Variants in CKMT2 observed in about 807,000 individuals in gnomAD.
CKMT2 encodes creatine kinase, mitochondrial 2.
Under a neutral mutation model 48.9 loss-of-function variants are expected in CKMT2, and 43 were observed. The ratio of observed to expected loss-of-function variants is 0.88; its 90% CI spans 0.69 to 1.13. CKMT2 has a LOEUF of 1.13. Ranked by LOEUF, CKMT2 falls within the 50% of genes most tolerant of loss-of-function variation. CKMT2 has a pLI of 0.00. For missense variants in CKMT2, 472 were observed against 555.4 expected, an observed-to-expected ratio of 0.85 and a Z score of 1.51; for synonymous variants, 206 against 213.0, an observed-to-expected ratio of 0.97 and a Z score of 0.29.
At chr5:81,263,231 G>A (rs1394589539) in intron 8 of CKMT2, among the ~76,000 whole-genome samples, 1 of 151,804 alleles carries the variant, frequency 6.6e-6, no homozygotes, top group Non-Finnish European at 1.5e-5. Flanking sequence ...GTTGATGATG[G>A]ATTGATGGGT....
chr5:81,250,339 T>C (rs1230528912), intron 1 of CKMT2, among the ~76,000 whole-genome samples: 1 of 152,216 alleles, frequency 6.6e-6, no homozygotes, highest in Admixed American at 6.5e-5. Flanking sequence ...ACATTCAATA[T>C]AGGGCTTATT....
chr5:81,251,384 G>A lies in CKMT2; in HGVS notation c.152+100G>A, dbSNP rs999044596. ...GGCCAGATCACGAGGTCAAGAGATC[G>A]AGACCATCCTGGCCAACATGGTGAA... On this transcript the variant is annotated intron_variant, in intron 2 of 9. Coordinates refer to ENST00000254035, the MANE Select transcript of CKMT2 (RefSeq NM_001099735.2). 15 of 1,271,780 alleles carry A rather than the reference G, an allele frequency of 1.2e-5. No individual in the cohort carries two copies. The East Asian group carries it at 1.4e-4, about 12-fold the overall frequency. 78.8% of individuals were successfully genotyped at this position (1,271,780 alleles called of 1,614,324 possible).
chr5:81,245,858 C>T (rs1324167350), intron 1 of CKMT2, among the ~76,000 whole-genome samples: 2 of 152,172 alleles, frequency 1.3e-5, no homozygotes, highest in African/African-American at 2.4e-5. Flanking sequence ...TGCTCTCAAA[C>T]TGCTCCCCCA....
At position 81,252,721 on chromosome 5, in the gene CKMT2, A is replaced by C. The variant is rs776105541; in HGVS notation, c.179A>C (p.His60Pro). The C allele has an allele frequency of 6.2e-7, 1 of 1,614,100 alleles. No homozygotes were observed. The highest frequency in any genetic ancestry group is 1.1e-5 in the South Asian group (1 of 91,078). ...GCAGACTACCCAGACCTGCGCAAGCACAACAACTGCATGGCCGAGTGCCTC... is the reference window on the plus strand; with the variant it reads ...GCAGACTACCCAGACCTGCGCAAGCCCAACAACTGCATGGCCGAGTGCCTC... ...PSADYPDLRK[H>P]NNCMAECLTP... is the part of the protein sequence containing the mutation. The change falls in exon 3 of 10, where the codon CAC becomes CCC. Residue 60 changes from histidine (H) to proline (P), a missense_variant. By Grantham distance (77) the His-to-Pro change is moderately conservative. Transcript: ENST00000254035.
chr5:81,255,088 C>A lies in CKMT2; in HGVS notation c.543C>A (p.Thr181=), dbSNP rs769995411. Residue 181 remains threonine (T), a synonymous_variant, in exon 5 of 10, where the codon ACC becomes ACA. Coordinates refer to ENST00000254035, the MANE Select transcript of CKMT2 (RefSeq NM_001099735.2). The part of the protein sequence containing the change: ...IRGLSLPPAC[T]RAERREVENV... The stretch of plus-strand genomic sequence containing the variant: ...GGCTGAGCCTGCCTCCAGCCTGCAC[C>A]CGGGCCGAGCGAAGGGAGGTAGAGA... The A allele has an allele frequency of 1.1e-5, 17 of 1,613,960 alleles. No individual in the cohort carries two copies. The South Asian group carries it at 1.9e-4, about 18-fold the overall frequency.
Position 81,251,084 on chromosome 5 carries a change from CT to C in CKMT2, c.-20-28del, listed in dbSNP as rs746917242. 6.3e-6 allele frequency: 10 copies of C among 1,594,408 alleles called. No homozygotes were observed. In the African/African-American group the frequency reaches 1.3e-4, roughly 21 times the overall value. ...TGTGGCTCAGGGTCATCCTATGAAG[CT>C]ATCTAATCCAGCTTCTTTGCTTTCC... On this transcript the variant is annotated intron_variant, in intron 1 of 9. Coordinates refer to ENST00000254035, the MANE Select transcript of CKMT2 (RefSeq NM_001099735.2).
intron 1 of CKMT2, among the ~76,000 whole-genome samples, chr5:81,235,516 G>C (rs1561273703): frequency 6.6e-6 from 1 of 152,192 alleles, no homozygotes; most frequent in Non-Finnish European, 1.5e-5. Flanking sequence ...CATGGACGCT[G>C]TGAATGGCTG....
chr5:81,259,301 A>C, intron 8 of CKMT2, 47 bp downstream of exon 8: 1 of 1,565,412 alleles, frequency 6.4e-7, no homozygotes, highest in Non-Finnish European at 8.7e-7. Flanking sequence ...ATCAGCTCAG[A>C]TGCGACTGCT....
At position 81,259,043 on chromosome 5, in the gene CKMT2, T is replaced by C. The variant is rs1022085829; in HGVS notation, c.880-77T>C. 5.7e-6 allele frequency: 8 copies of C among 1,395,816 alleles called. No homozygotes were observed. In the East Asian group the frequency reaches 1.4e-4, roughly 24 times the overall value. 86.5% of individuals were successfully genotyped at this position (1,395,816 alleles called of 1,614,324 possible). ...TGCCAGAGGAGGGTACACATCTCTC[T>C]CTCTGGTGTTAGGGATGTGCTGAAT... is the stretch of plus-strand genomic sequence containing the variant. On this transcript the variant is annotated intron_variant, in intron 7 of 9. Transcript: ENST00000254035.
Position 81,259,254 on chromosome 5 carries a change from G to C in CKMT2, c.1014G>C (p.Lys338Asn). 1 of 1,613,102 alleles carries C rather than the reference G, an allele frequency of 6.2e-7. No homozygotes were observed. Among genetic ancestry groups the C allele is most frequent in the Non-Finnish European group, 8.5e-7 (1 of 1,179,504 alleles). The part of the protein sequence containing the change: ...GVHVRIPKLS[K>N]DPRFSKILEN... ...ACGTTAGGATCCCAAAGCTCAGCAA[G>C]GTACTGTTATGTGCCCAGTGGCCCT... The change falls in exon 8 of 10, where the codon AAG becomes AAC. Residue 338 changes from lysine (K) to asparagine (N), a missense_variant and splice_region_variant. Coordinates refer to ENST00000254035, the MANE Select transcript of CKMT2 (RefSeq NM_001099735.2).
chr5:81,249,277 C>G (rs1319316645), intron 1 of CKMT2, among the ~76,000 whole-genome samples: 1 of 152,056 alleles, frequency 6.6e-6, no homozygotes, highest in Non-Finnish European at 1.5e-5. Flanking sequence ...TAAAAGACAG[C>G]TAACAATGTT....
intron 1 of CKMT2, among the ~76,000 whole-genome samples, chr5:81,235,211 C>T (rs975934395): frequency 2.0e-5 from 3 of 152,294 alleles, no homozygotes; most frequent in Non-Finnish European, 4.4e-5. Flanking sequence ...CTCCTTCCTG[C>T]CTAGGACTGT....
At chr5:81,260,343 A>G (rs1021495774) in intron 8 of CKMT2, among the ~76,000 whole-genome samples, 2 of 152,222 alleles carry the variant, frequency 1.3e-5, no homozygotes, top group Non-Finnish European at 2.9e-5. Context: ...TTCAAAAGCT[A>G]GCAGAAGACA....
At chr5:81,251,532 G>A (rs942412528) in intron 2 of CKMT2, among the ~76,000 whole-genome samples, 5 of 152,118 alleles carry the variant, frequency 3.3e-5, no homozygotes, top group Admixed American at 2.0e-4. Flanking sequence ...AGGTTGTTGT[G>A]AGCCGAGATC....
chr5:81,253,487 T>C (rs1580448043), intron 3 of CKMT2, among the ~76,000 whole-genome samples: 1 of 152,242 alleles, frequency 6.6e-6, no homozygotes, highest in Non-Finnish European at 1.5e-5. Flanking sequence ...CCACTATGCG[T>C]CCCCTCCACA....
chr5:81,242,171 G>A (rs536714318), intron 1 of CKMT2, among the ~76,000 whole-genome samples: 5 of 152,296 alleles, frequency 3.3e-5, no homozygotes, highest in East Asian at 3.9e-4. Flanking sequence ...ACCAGGAAAC[G>A]GAGCAGGTAC....
chr5:81,259,271 A>G lies in CKMT2; in HGVS notation c.1014+17A>G, dbSNP rs769285671. On this transcript the variant is annotated intron_variant, in intron 8 of 9. Transcript: ENST00000254035. Reference sequence around the variant, plus strand: ...CTCAGCAAGGTACTGTTATGTGCCCAGTGGCCCTGATGGGCCAGGATCAGC... The same window carrying G: ...CTCAGCAAGGTACTGTTATGTGCCCGGTGGCCCTGATGGGCCAGGATCAGC... The G allele has an allele frequency of 7.5e-6, 12 of 1,608,960 alleles. No homozygotes were observed. The highest frequency in any genetic ancestry group is 9.3e-6 in the Non-Finnish European group (11 of 1,177,520).
intron 8 of CKMT2, among the ~76,000 whole-genome samples, chr5:81,263,273 T>C (rs1310658941): frequency 6.6e-6 from 1 of 151,734 alleles, no homozygotes; most frequent in East Asian, 1.9e-4. Flanking sequence ...TGTATACCTA[T>C]TTAACAAACC....
intron 8 of CKMT2, 22 bp from the exon 9 acceptor site, chr5:81,263,469 A>G (rs1232441400): frequency 2.6e-6 from 4 of 1,554,006 alleles, no homozygotes; most frequent in Admixed American, 3.6e-5. Context: ...TAGCACATTT[A>G]AGTATTATCC....
Sources: allele counts gnomAD v4.1 joint callset (sites outside exome capture counted in the v4.1 genomes callset), GRCh38; gene constraint gnomAD v4.1.1; transcripts MANE v1.5; gene names NCBI Gene and HGNC (gene_info 2026-07-23, HGNC 2026-07-21).